The following DOCK4 variants were observed in gnomAD, a reference collection of about 807,000 sequenced individuals.
DOCK4 encodes the protein dedicator of cytokinesis 4, also known as dedicator of cytokinesis protein 4.
Under a neutral mutation model 268.1 loss-of-function variants are expected in DOCK4, and 97 were observed. That is an observed-to-expected ratio of 0.36 (90% CI 0.31 to 0.43). DOCK4 has a LOEUF of 0.43. Ranked by LOEUF, DOCK4 falls within the 20% of genes least tolerant of loss-of-function variation. The probability of loss-of-function intolerance (pLI) is 1.00; values close to 1 mark genes in which losing one functional copy is unlikely to be tolerated. For missense variants in DOCK4, 2,145 were observed against 2,455.7 expected (o/e 0.87, Z 2.67); for synonymous variants, 954 against 887.2 (o/e 1.08, Z -1.34).
intron 42 of DOCK4, among the ~76,000 whole-genome samples, chr7:111,752,578 G>GTTTT (rs56037303): frequency 5.8e-4 from 48 of 82,208 alleles, no homozygotes; most frequent in African/African-American, 1.6e-3. Flanking sequence ...ATCAGCTTAG[G>GTTTT]TTTTTTTTTT....
intron 1 of DOCK4, among the ~76,000 whole-genome samples, chr7:112,028,457 T>C (rs1209257674): frequency 6.6e-6 from 1 of 152,184 alleles, no homozygotes; most frequent in African/African-American, 2.4e-5. Flanking sequence ...TACTCCACTA[T>C]TGCAAACACA....
chr7:111,928,380 C>G (rs1405417852), intron 12 of DOCK4, among the ~76,000 whole-genome samples: 2 of 152,082 alleles, frequency 1.3e-5, no homozygotes, highest in African/African-American at 4.8e-5. Context: ...AAAATGAAAT[C>G]AAGCTCTAAT....
At chr7:112,047,187 G>A (rs2135534281) in intron 1 of DOCK4, among the ~76,000 whole-genome samples, 1 of 152,256 alleles carries the variant, frequency 6.6e-6, no homozygotes, top group Middle Eastern at 3.4e-3. Context: ...TAGACTAAAT[G>A]ATACTCTGCC....
At chr7:111,959,830 A>G (rs1180830181) in intron 8 of DOCK4, among the ~76,000 whole-genome samples, 1 of 151,924 alleles carries the variant, frequency 6.6e-6, no homozygotes, top group African/African-American at 2.4e-5. Context: ...ATTCTTTTCC[A>G]CCTATGATGT....
Position 111,747,281 on chromosome 7 carries a change from A to C in DOCK4, c.4579T>G (p.Ser1527Ala). ...CTAATCCTTACCTCTTGATACCTGG[A>C]AACGCCACCATTAACTGCAGCATCT... ...VIDAAVNGGV[S>A]RYQEAFFVKE... Residue 1527 changes from serine (S) to alanine (A), a missense_variant, in exon 43 of 53, where the codon TCC becomes GCC. Around this residue, in one of 2 missense-constraint regions of DOCK4, gnomAD observed 1,598 missense variants for 1,986.7 expected, o/e 0.80. Transcript: ENST00000428084. 1 of 1,613,092 alleles carries C rather than the reference A, an allele frequency of 6.2e-7. No homozygotes were observed. Among genetic ancestry groups the C allele is most frequent in the Non-Finnish European group, 8.5e-7 (1 of 1,179,608 alleles).
rs191578342 is a variant in DOCK4, at chr7:111,730,206, G to A, written c.5482-1486C>T. Among the ~76,000 whole-genome samples the A allele has an allele frequency of 5.9e-5, 9 of 152,328 alleles. No individual in the cohort carries two copies. The East Asian group carries it at 1.7e-3, about 29-fold the overall frequency. Reference sequence around the variant, plus strand: ...TCCTAAGATAGATGCTCTGTGAAAAGAGGGTTCCGCTGGGAAATGCTGCAC... The same window carrying A: ...TCCTAAGATAGATGCTCTGTGAAAAAAGGGTTCCGCTGGGAAATGCTGCAC... On this transcript the variant is annotated intron_variant, in intron 52 of 52. Coordinates refer to ENST00000428084, the MANE Select transcript of DOCK4 (RefSeq NM_001363540.2).
chr7:111,833,435 T>C (rs1802997944), intron 26 of DOCK4, among the ~76,000 whole-genome samples: 1 of 152,050 alleles, frequency 6.6e-6, no homozygotes, highest in African/African-American at 2.4e-5. Context: ...TCACAGCTAC[T>C]TGGGAAGCAG....
chr7:111,784,245 T>C, intron 32 of DOCK4, 122 bp from the exon 33 acceptor site: 5 of 1,155,926 alleles, frequency 4.3e-6, no homozygotes, highest in Non-Finnish European at 6.2e-6. Context: ...AAAGACATTT[T>C]TTCCTAGCTT....
At chr7:111,750,626 G>A (rs542597011) in intron 42 of DOCK4, among the ~76,000 whole-genome samples, 5 of 152,212 alleles carry the variant, frequency 3.3e-5, no homozygotes, top group East Asian at 3.9e-4. Context: ...CAGAAATCTC[G>A]CTGCTTTATC....
chr7:111,950,920 G>A (rs1425560367), intron 8 of DOCK4, among the ~76,000 whole-genome samples: 2 of 152,122 alleles, frequency 1.3e-5, no homozygotes, highest in Admixed American at 6.5e-5. Flanking sequence ...TAAGCAAATA[G>A]AACATTTCTA....
At position 111,728,297 on chromosome 7, in the gene DOCK4, G is replaced by T; in HGVS notation, c.5905C>A (p.Pro1969Thr). Residue 1969 changes from proline to threonine, a missense_variant, in exon 53 of 53, where the codon CCC becomes ACC. By Grantham distance (38) the Pro-to-Thr change is conservative (BLOSUM62 -1). Around this residue, in one of 2 missense-constraint regions of DOCK4, gnomAD observed 547 missense variants for 469.0 expected, o/e 1.17. Transcript: ENST00000428084. ...TDPGPRPRPL[P>T]RKVSQL ...ACTTATAACTGAGAGACCTTGCGGG[G>T]CAGGGGCCTGGGCCGCGGGCCGGGG... 6.6e-7 allele frequency: 1 copy of T among 1,504,030 alleles called. No individual in the cohort carries two copies. The highest frequency in any genetic ancestry group is 8.9e-7 in the Non-Finnish European group (1 of 1,126,894). The allele number at this position is 1,504,030 out of a possible 1,614,324, so 93.2% of individuals were successfully genotyped here. A position where few individuals can be genotyped will look rare whatever the true frequency, so the allele number is the denominator to read the frequency against.
intron 8 of DOCK4, among the ~76,000 whole-genome samples, chr7:111,951,215 A>G (rs1273870987): frequency 3.3e-5 from 5 of 152,228 alleles, no homozygotes; most frequent in Non-Finnish European, 2.9e-5. Flanking sequence ...GAACATAAAT[A>G]AGCATTCCTG....
rs374219660 is a variant in DOCK4, at chr7:112,123,952, G to T, written c.37+82150C>A. On this transcript the variant is annotated intron_variant, in intron 1 of 52. Transcript: ENST00000428084. ...CACACCCATTACTCTGCCCTGGCAC[G>T]AGCTATTAATCAGAAGTTCAGAAGT... is the stretch of plus-strand genomic sequence containing the variant. Among the ~76,000 whole-genome samples, 6 of 152,188 alleles carry T rather than the reference G, an allele frequency of 3.9e-5. No homozygotes were observed. In the East Asian group the frequency reaches 1.2e-3, roughly 29 times the overall value.
At chr7:111,973,971 T>C (rs1797936278) in intron 8 of DOCK4, among the ~76,000 whole-genome samples, 1 of 152,218 alleles carries the variant, frequency 6.6e-6, no homozygotes, top group Non-Finnish European at 1.5e-5. Flanking sequence ...ACAGTACTTT[T>C]TTCTGAGAAG....
chr7:111,839,934 T>C (rs1416893660), intron 25 of DOCK4, among the ~76,000 whole-genome samples: 1 of 152,326 alleles, frequency 6.6e-6, no homozygotes, highest in African/African-American at 2.4e-5. Flanking sequence ...TTATCCATAA[T>C]GTAATTTTCT....
chr7:112,112,794 A>G (rs1038039310), intron 1 of DOCK4, among the ~76,000 whole-genome samples: 2 of 152,088 alleles, frequency 1.3e-5, no homozygotes, highest in African/African-American at 4.8e-5. Flanking sequence ...AGGCCTCTCA[A>G]TCTCATTGGC....
At chr7:112,191,312 G>A (rs960503643) in intron 1 of DOCK4, among the ~76,000 whole-genome samples, 2 of 152,070 alleles carry the variant, frequency 1.3e-5, no homozygotes, top group African/African-American at 2.4e-5. Context: ...ACTCAAAGAC[G>A]CACACATTTA....
chr7:111,917,894 A>G (rs1030926450), intron 12 of DOCK4, among the ~76,000 whole-genome samples: 6 of 152,200 alleles, frequency 3.9e-5, no homozygotes, highest in African/African-American at 1.4e-4. Flanking sequence ...CAAAGGTGTG[A>G]GAATGACATC....
intron 1 of DOCK4, among the ~76,000 whole-genome samples, chr7:112,013,707 C>T (rs963192895): frequency 2.0e-5 from 3 of 152,236 alleles, no homozygotes; most frequent in Admixed American, 6.5e-5. Flanking sequence ...TTTGTATGAG[C>T]AATAAAGCTT....
Sources: allele counts gnomAD v4.1 joint callset (sites outside exome capture counted in the v4.1 genomes callset), GRCh38; gene constraint gnomAD v4.1.1; regional missense constraint gnomAD v4.1.1; transcripts MANE v1.5; gene names NCBI Gene and HGNC (gene_info 2026-07-23, HGNC 2026-07-21).